Variants in CELSR1 observed in about 807,000 individuals in gnomAD.
The protein encoded by CELSR1 is cadherin EGF LAG seven-pass G-type receptor 1, also known as adhesion G protein-coupled receptor C1.
CELSR1 carries 110 observed loss-of-function variants against 249.1 expected under a neutral mutation model. That is an observed-to-expected ratio of 0.44 (90% CI 0.38 to 0.52). The LOEUF (loss-of-function observed/expected upper bound fraction) is 0.52. CELSR1 is among the 20% of genes least tolerant of loss of function. The pLI is 0.00. For synonymous variants in CELSR1, 2,113 were observed against 1,900.0 expected (o/e 1.11, Z -2.92); for missense variants, 4,109 against 4,296.4 (o/e 0.96, Z 1.22).
At chr22:46,533,490 C>A (rs532396297) in intron 1 of CELSR1, 137 bp downstream of exon 1, 3 of 1,292,382 alleles carry the variant, frequency 2.3e-6, no homozygotes, top group Non-Finnish European at 3.1e-6. Flanking sequence ...ATCCAACCGG[C>A]GGCAACAAAT....
rs1288914185 is a variant in CELSR1, at chr22:46,536,956, C to A, written c.215G>T (p.Arg72Leu). ...RELLDVGRDGRLAGRRRVSGA... is the reference protein window; with the variant it reads ...RELLDVGRDGLLAGRRRVSGA... Reference sequence around the variant, plus strand: ...CGAGACGCGCCGACGTCCTGCCAGCCGCCCATCGCGGCCCACGTCCAGCAG... The same window carrying A: ...CGAGACGCGCCGACGTCCTGCCAGCAGCCCATCGCGGCCCACGTCCAGCAG... Residue 72 changes from arginine to leucine, a missense_variant, in exon 1 of 35, where the codon CGG becomes CTG. By Grantham distance (102) the Arg-to-Leu change is moderately radical (BLOSUM62 -2). Coordinates refer to ENST00000674500, the MANE Select transcript of CELSR1 (RefSeq NM_001378328.1). The A allele has an allele frequency of 2.8e-5, 32 of 1,150,534 alleles. No individual in the cohort carries two copies. The highest frequency in any genetic ancestry group is 3.3e-5 in the Non-Finnish European group (31 of 938,260). The allele number at this position is 1,150,534 out of a possible 1,614,324, so 71.3% of individuals were successfully genotyped here.
At chr22:46,479,615 TG>T (rs34913626) in intron 1 of CELSR1, among the ~76,000 whole-genome samples, 71,723 of 121,050 alleles carry the variant, frequency 0.59, 19,703 homozygotes, top group East Asian at 0.74. Context: ...TTGGACTTTT[TG>T]GGGGGGGGCC....
At chr22:46,467,507 TTATA>T (rs57411071) in intron 1 of CELSR1, among the ~76,000 whole-genome samples, 10,045 of 150,180 alleles carry the variant, frequency 0.067, 864 homozygotes, top group African/African-American at 0.2. Flanking sequence ...CACGAACATG[TTATA>T]TATATATATA....
rs148254164 is a variant in CELSR1, at chr22:46,398,764, T to A, written c.5413-127A>T. ...ACAAACTCCGCAGAGCCTGAGGACATCTGGGCCTCCAAAGAGAGAGCTGGG... is the reference window on the plus strand; with the variant it reads ...ACAAACTCCGCAGAGCCTGAGGACAACTGGGCCTCCAAAGAGAGAGCTGGG... On this transcript the variant is annotated intron_variant, in intron 10 of 34. Transcript: ENST00000674500. This position sits in a 1 kb window ranked among gnomAD's most constrained non-coding sequence, Gnocchi z 7.2. The A allele has an allele frequency of 3.9e-4, 265 of 674,180 alleles. 2 individuals are homozygous for A. The highest frequency in any genetic ancestry group is 3.8e-3 in the African/African-American group (207 of 54,318). The allele number at this position is 674,180 out of a possible 1,614,324, so 41.8% of individuals were successfully genotyped here.
rs990119749 is a variant in CELSR1, at chr22:46,411,203, A to G, written c.4769+399T>C. ...AACAGAGCGAGACCCCATCTCAGAA[A>G]AAAACAAAACAACAACAAAAAAACA... is the stretch of plus-strand genomic sequence containing the variant. On this transcript the variant is annotated intron_variant, in intron 6 of 34. Transcript: ENST00000674500. This position sits in a 1 kb window ranked among gnomAD's most constrained non-coding sequence, Gnocchi z 4.2. Among the ~76,000 whole-genome samples the G allele has an allele frequency of 4.6e-5, 7 of 152,186 alleles. No individual in the cohort carries two copies. Among genetic ancestry groups the G allele is most frequent in the African/African-American group, 1.7e-4 (7 of 41,450 alleles).
At chr22:46,364,332 C>G (rs557776964) in intron 33 of CELSR1, 81 bp from the exon 34 acceptor site, 65 of 1,558,450 alleles carry the variant, frequency 4.2e-5, no homozygotes, top group Non-Finnish European at 5.3e-5. Flanking sequence ...GCTGAGCCAG[C>G]CTCAGCCCCT....
rs558619560 is a variant in CELSR1 at position 46,382,519 on chromosome 22, G to A, written c.6884-469C>T. On this transcript the variant is annotated intron_variant, in intron 20 of 34. Coordinates refer to ENST00000674500, the MANE Select transcript of CELSR1 (RefSeq NM_001378328.1). ...TCTCGATCTCCTGACCTCATGATCC[G>A]CCCGCCTCGGCCTCCCAAAGTGCTG... Among the ~76,000 whole-genome samples, 20 of 152,098 alleles carry A rather than the reference G, an allele frequency of 1.3e-4. No individual in the cohort carries two copies. The South Asian group carries it at 2.9e-3, about 22-fold the overall frequency.
intron 2 of CELSR1, 29 bp from the exon 3 acceptor site, chr22:46,439,440 G>A (rs1225572842): frequency 6.3e-7 from 1 of 1,577,096 alleles, no homozygotes; most frequent in Non-Finnish European, 8.6e-7. Context: ...ATGCCAGAGA[G>A]GAGGTTACCG....
Position 46,535,388 on chromosome 22 carries a change from C to T in CELSR1, c.1783G>A (p.Gly595Arg). 1 of 1,610,970 alleles carries T rather than the reference C, an allele frequency of 6.2e-7. No individual in the cohort carries two copies. The highest frequency in any genetic ancestry group is 8.5e-7 in the Non-Finnish European group (1 of 1,179,056). The stretch of plus-strand genomic sequence containing the variant: ...CGATAGTGCAGCCGGGCGTTCTCTC[C>T]AGAGTCCGCGTCCACCGCCTGAATG... ...VHIQAVDADSGENARLHYRLV... is the reference protein window; with the variant it reads ...VHIQAVDADSRENARLHYRLV... Residue 595 changes from glycine (G) to arginine (R), a missense_variant, in exon 1 of 35, where the codon GGA becomes AGA. Gly to Arg is a moderately radical substitution (Grantham distance 125). Around this residue, in one of 7 missense-constraint regions of CELSR1, gnomAD observed 886 missense variants for 896.5 expected, o/e 0.99. Transcript: ENST00000674500.
In CELSR1 at chr22:46,399,682, G is replaced by T. The variant is rs1410703127; in HGVS notation, c.5412+35C>A. On this transcript the variant is annotated intron_variant, in intron 10 of 34. Coordinates refer to ENST00000674500, the MANE Select transcript of CELSR1 (RefSeq NM_001378328.1). The surrounding 1 kb of genome is among the most constrained non-coding windows in gnomAD (Gnocchi z 5.0). ...TGTTTTTCCCTGGGCCGGAGGAAGG[G>T]TCTATCCCCAGAGGAGGTGCAGGTG... The T allele has an allele frequency of 1.2e-5, 19 of 1,602,478 alleles. No individual in the cohort carries two copies. The Middle Eastern group carries it at 5.0e-4, about 42-fold the overall frequency.
At chr22:46,498,347 C>T (rs1983594) in intron 1 of CELSR1, among the ~76,000 whole-genome samples, 62,945 of 145,260 alleles carry the variant, frequency 0.43, 14,614 homozygotes, top group East Asian at 0.83. Context: ...CGGTGGCTCA[C>T]GCCTGTAATC....
chr22:46,452,336 G>A (rs949403231), intron 2 of CELSR1, among the ~76,000 whole-genome samples: 3 of 152,178 alleles, frequency 2.0e-5, no homozygotes, highest in Non-Finnish European at 2.9e-5. Context: ...TTATGGCACC[G>A]GGAAGACAGC....
At position 46,361,514 on chromosome 22, in the gene CELSR1, A is replaced by G. The variant is rs1239273427; in HGVS notation, c.*1709T>C. 1 of 152,266 alleles carries G rather than the reference A, an allele frequency of 6.6e-6. No homozygotes were observed. Among genetic ancestry groups the G allele is most frequent in the Non-Finnish European group, 1.5e-5 (1 of 68,046 alleles). The allele number at this position is 152,266 out of a possible 1,614,324, so 9.4% of individuals were successfully genotyped here. A position where few individuals can be genotyped will look rare whatever the true frequency, so the allele number is the denominator to read the frequency against. ...CTTAAAAACCTTTTCGTACTTAGGA[A>G]ACGCCAGGGGCAAACGTTTAAAGGG... On this transcript the variant is annotated 3_prime_UTR_variant, in exon 35 of 35. Coordinates refer to ENST00000674500, the MANE Select transcript of CELSR1 (RefSeq NM_001378328.1).
chr22:46,530,178 G>A (rs1306723222), intron 1 of CELSR1: 1 of 152,016 alleles, frequency 6.6e-6, no homozygotes, highest in African/African-American at 2.4e-5. Context: ...TCAGCCAGGT[G>A]TGGTGGTGCA....
rs1246099016 is a variant in CELSR1 at position 46,411,934 on chromosome 22, T to C, written c.4612-175A>G. ...AAACTAGCTGTGCTGGGCTGCTCAA[T>C]GCCCCCTCAAGTTCTGCTTCCCAGA... On this transcript the variant is annotated intron_variant, in intron 5 of 34. Transcript: ENST00000674500. This position sits in a 1 kb window ranked among gnomAD's most constrained non-coding sequence, Gnocchi z 4.2. Among the ~76,000 whole-genome samples, 1 of 152,222 alleles carries C rather than the reference T, an allele frequency of 6.6e-6. No individual in the cohort carries two copies. Among genetic ancestry groups the C allele is most frequent in the Non-Finnish European group, 1.5e-5 (1 of 68,048 alleles).
At chr22:46,369,892 G>T in intron 25 of CELSR1, 88 bp from the exon 26 acceptor site, 1 of 1,094,762 alleles carries the variant, frequency 9.1e-7, no homozygotes, top group Non-Finnish European at 1.4e-6. Flanking sequence ...GGGGTGAAAT[G>T]GGGGACTCAG....
chr22:46,495,947 G>A lies in CELSR1; in HGVS notation c.3545-31602C>T, dbSNP rs527586486. ...GGTGGCTCATGCCTGTAATCCCAGCGCTTTGGGAGGCCAAGGTGGGCGGAT... is the reference window on the plus strand; with the variant it reads ...GGTGGCTCATGCCTGTAATCCCAGCACTTTGGGAGGCCAAGGTGGGCGGAT... On this transcript the variant is annotated intron_variant, in intron 1 of 34. Coordinates refer to ENST00000674500, the MANE Select transcript of CELSR1 (RefSeq NM_001378328.1). Among the ~76,000 whole-genome samples, 116 of 150,462 alleles carry A rather than the reference G, an allele frequency of 7.7e-4. 1 individual carries two copies. The East Asian group carries it at 0.018, about 23-fold the overall frequency.
Position 46,363,749 on chromosome 22 carries a change from G to T in CELSR1, c.9035+247C>A. On this transcript the variant is annotated intron_variant, in intron 34 of 34. Transcript: ENST00000674500. This position sits in a 1 kb window ranked among gnomAD's most constrained non-coding sequence, Gnocchi z 4.3. ...CCTTAGGTCCTAGCATTTTGGGGCT[G>T]GCCAGGGCTTCAGAGTCCCAGAGGC... 1 of 552,288 alleles carries T rather than the reference G, an allele frequency of 1.8e-6. No homozygotes were observed. The highest frequency in any genetic ancestry group is 3.1e-6 in the Non-Finnish European group (1 of 320,242). The allele number at this position is 552,288 out of a possible 1,614,324, so 34.2% of individuals were successfully genotyped here. A position where few individuals can be genotyped will look rare whatever the true frequency, so the allele number is the denominator to read the frequency against.
intron 17 of CELSR1, among the ~76,000 whole-genome samples, chr22:46,389,754 C>T (rs1293786685): frequency 6.6e-6 from 1 of 151,608 alleles, no homozygotes; most frequent in Non-Finnish European, 1.5e-5. Context: ...CGTCTCTACT[C>T]TCTATTTTGA....
Sources: allele counts gnomAD v4.1 joint callset (sites outside exome capture counted in the v4.1 genomes callset), GRCh38; gene constraint gnomAD v4.1.1; regional missense constraint gnomAD v4.1.1; non-coding constraint Gnocchi (gnomAD v3.1); transcripts MANE v1.5; gene names NCBI Gene and HGNC (gene_info 2026-07-23, HGNC 2026-07-21).